TRA2A: variants seen among roughly 807,000 people sequenced by gnomAD.
TRA2A encodes transformer-2 protein homolog alpha.
A neutral mutation model predicts 45.7 loss-of-function variants in TRA2A; 31 were observed. The observed-to-expected ratio is 0.68, with a 90% CI of 0.51 to 0.92. The LOEUF is 0.92. TRA2A is among the 40% of genes least tolerant of loss of function. The pLI is 0.00. For synonymous variants in TRA2A, 132 were observed against 126.2 expected (o/e 1.05, Z -0.31); for missense variants, 304 against 367.5 (o/e 0.83, Z 1.41).
intron 1 of TRA2A, 103 bp downstream of exon 1, chr7:23,531,686 G>T: frequency 1.6e-6 from 2 of 1,260,634 alleles, no homozygotes; most frequent in African/African-American, 1.5e-5. Flanking sequence ...TCCAGAGGTT[G>T]CTCCTCGCGG....
chr7:23,508,164 C>A (rs1248796773), intron 4 of TRA2A, among the ~76,000 whole-genome samples: 1 of 151,176 alleles, frequency 6.6e-6, no homozygotes, highest in Non-Finnish European at 1.5e-5. Flanking sequence ...TGCCTTTCAA[C>A]CTTTTATTGA....
At chr7:23,515,792 C>T (rs972272137) in intron 3 of TRA2A, among the ~76,000 whole-genome samples, 1 of 151,504 alleles carries the variant, frequency 6.6e-6, no homozygotes. Context: ...GTGACCCACA[C>T]CCTTTGGCCT....
At chr7:23,530,162 G>T (rs1433326273) in intron 1 of TRA2A, among the ~76,000 whole-genome samples, 1 of 152,026 alleles carries the variant, frequency 6.6e-6, no homozygotes. Flanking sequence ...AAAACAAGAA[G>T]CATTTTACAA....
chr7:23,516,321 A>C, intron 3 of TRA2A, 42 bp downstream of exon 3: 3 of 1,608,128 alleles, frequency 1.9e-6, no homozygotes, highest in Non-Finnish European at 2.6e-6. Flanking sequence ...TAAACACATA[A>C]AAGAGAAAAT....
chr7:23,519,278 CAGCTACTCGGG>C (rs752896451), intron 2 of TRA2A, among the ~76,000 whole-genome samples: 29 of 152,064 alleles, frequency 1.9e-4, no homozygotes, highest in Non-Finnish European at 4.3e-4. Context: ...CCTGTAATCC[CAGCTACTCGGG>C]AGGCTGAGGC....
intron 1 of TRA2A, 36 bp downstream of exon 1, chr7:23,531,753 C>G: frequency 1.2e-6 from 2 of 1,611,428 alleles, no homozygotes; most frequent in South Asian, 2.2e-5. Flanking sequence ...GAGCATTGGG[C>G]CGCCGCCTAG....
chr7:23,510,184 C>A (rs1010592628), intron 4 of TRA2A, among the ~76,000 whole-genome samples: 4 of 152,218 alleles, frequency 2.6e-5, no homozygotes, highest in African/African-American at 9.7e-5. Context: ...GCCTGGGCAA[C>A]TGAAAAGAGA....
At chr7:23,505,677 CTAATAT>C (rs1176541800) in intron 7 of TRA2A, 63 bp downstream of exon 7, 3 of 1,004,536 alleles carry the variant, frequency 3.0e-6, no homozygotes, top group Admixed American at 2.5e-5. Context: ...ACCTTATACT[CTAATAT>C]TCTAAAGTAA....
At chr7:23,517,501 A>AG (rs1789934401) in intron 2 of TRA2A, among the ~76,000 whole-genome samples, 1 of 144,632 alleles carries the variant, frequency 6.9e-6, no homozygotes, top group Non-Finnish European at 1.5e-5. Context: ...AAAAAAAAAA[A>AG]AAAGAGAGAA....
intron 1 of TRA2A, among the ~76,000 whole-genome samples, chr7:23,528,495 C>G (rs895324835): frequency 6.6e-6 from 1 of 152,072 alleles, no homozygotes; most frequent in Non-Finnish European, 1.5e-5. Flanking sequence ...CGTGAGCCAC[C>G]GGGCCGGCCT....
At chr7:23,528,898 A>T (rs565960029) in intron 1 of TRA2A, among the ~76,000 whole-genome samples, 1 of 152,314 alleles carries the variant, frequency 6.6e-6, no homozygotes, top group South Asian at 2.1e-4. Context: ...AAAGGAGGCA[A>T]TAAGAAGCGG....
chr7:23,531,943 T>G lies in TRA2A; in HGVS notation c.-119A>C. The G allele has an allele frequency of 1.9e-6, 2 of 1,049,036 alleles. No individual in the cohort carries two copies. The highest frequency in any genetic ancestry group is 4.9e-5 in the East Asian group (2 of 40,718). 65.0% of individuals were successfully genotyped at this position (1,049,036 alleles called of 1,614,324 possible). On this transcript the variant is annotated 5_prime_UTR_variant, in exon 1 of 8. Transcript: ENST00000297071. ...GGAAAGAGTCGGCAACCACAGCCGC[T>G]CCACTCCACTCCCACTCGGTCGCAG...
Position 23,505,820 on chromosome 7 carries a change from G to C in TRA2A, c.771-7C>G, listed in dbSNP as rs750897106. 25 of 1,508,316 alleles carry C rather than the reference G, an allele frequency of 1.7e-5. No homozygotes were observed. Among genetic ancestry groups the C allele is most frequent in the Non-Finnish European group, 2.0e-5 (23 of 1,124,706 alleles). 93.4% of individuals were successfully genotyped at this position (1,508,316 alleles called of 1,614,324 possible). ...AGGAGAAGGTGATCGTCTTCTGTAAGAAATGAAAGATTACTTAGCATACTA... is the reference window on the plus strand; with the variant it reads ...AGGAGAAGGTGATCGTCTTCTGTAACAAATGAAAGATTACTTAGCATACTA... On this transcript the variant is annotated splice_polypyrimidine_tract_variant and splice_region_variant and intron_variant, in intron 6 of 7. Transcript: ENST00000297071.
intron 4 of TRA2A, among the ~76,000 whole-genome samples, chr7:23,510,432 C>T (rs144340131): frequency 6.6e-6 from 1 of 152,270 alleles, no homozygotes; most frequent in Non-Finnish European, 1.5e-5. Context: ...TAGGTTCAAG[C>T]AATTCTCCTG....
At chr7:23,524,144 A>G (rs1790246204) in intron 1 of TRA2A, among the ~76,000 whole-genome samples, 2 of 152,194 alleles carry the variant, frequency 1.3e-5, no homozygotes, top group Admixed American at 6.6e-5. Flanking sequence ...GAGTAGCAAC[A>G]AAGCATTATG....
chr7:23,517,902 ACT>A (rs1031168234), intron 2 of TRA2A, among the ~76,000 whole-genome samples: 4 of 151,350 alleles, frequency 2.6e-5, no homozygotes, highest in African/African-American at 9.7e-5. Context: ...CAAGCACAAA[ACT>A]CTGTCTCAAC....
intron 1 of TRA2A, 87 bp downstream of exon 1, chr7:23,531,702 C>T (rs1051927780): frequency 1.3e-6 from 2 of 1,511,454 alleles, no homozygotes; most frequent in Non-Finnish European, 1.8e-6. Context: ...CGCGGGACTA[C>T]CCGCAACCCC....
rs550285895 is a variant in TRA2A, at chr7:23,507,432, C to A, written c.629G>T (p.Gly210Val). The change falls in exon 5 of 8, where the codon GGC (glycine) becomes GTC (valine). Residue 210 changes from glycine (G) to valine (V), a missense_variant. Coordinates refer to ENST00000297071, the MANE Select transcript of TRA2A (RefSeq NM_013293.5). ...CTTGAACTCTTACTGAGTTGGTCTG[C>A]CCATGTAGATGCCTGGTGTTGGTGT... ...AHTPTPGIYM[G>V]RPTHSGGGGG... 1 of 1,613,590 alleles carries A rather than the reference C, an allele frequency of 6.2e-7. No individual in the cohort carries two copies. The highest frequency in any genetic ancestry group is 2.2e-5 in the East Asian group (1 of 44,868).
rs1789286828 is a variant in TRA2A at position 23,505,576 on chromosome 7, GAGAAAAAGC to G, written c.839-16_839-8del. The G allele has an allele frequency of 7.8e-6, 2 of 256,726 alleles. No individual in the cohort carries two copies. The highest frequency in any genetic ancestry group is 6.7e-5 in the South Asian group (1 of 15,004). The allele number at this position is 256,726 out of a possible 1,614,324, so 15.9% of individuals were successfully genotyped here. ...TTCCGTTATCAATAGCGTCCTAAAA[GAGAAAAAGC>G]AAAAAAAAAAAAAAAAAAAAAAAGT... On this transcript the variant is annotated splice_polypyrimidine_tract_variant and splice_region_variant and intron_variant, in intron 7 of 7. Coordinates refer to ENST00000297071, the MANE Select transcript of TRA2A (RefSeq NM_013293.5).
Sources: gnomAD v4.1 joint callset for allele counts (sites outside exome capture counted in the v4.1 genomes callset) on GRCh38, gnomAD v4.1.1 for gene constraint, MANE v1.5 for transcripts, NCBI Gene and HGNC (gene_info 2026-07-23, HGNC 2026-07-21) for gene names.